Variants in ARID4B observed in about 807,000 individuals in gnomAD.
The protein encoded by ARID4B is AT-rich interaction domain 4B, also known as AT-rich interactive domain-containing protein 4B.
Under a neutral mutation model 147.5 loss-of-function variants are expected in ARID4B, and 26 were observed. That is an observed-to-expected ratio of 0.18 (90% CI 0.13 to 0.24). ARID4B has a LOEUF of 0.24. ARID4B is among the 10% of genes least tolerant of loss of function. ARID4B has a pLI of 1.00. For synonymous variants in ARID4B, 512 were observed against 507.9 expected, an observed-to-expected ratio of 1.01 and a Z score of -0.11; for missense variants, 1,179 against 1,511.5, an observed-to-expected ratio of 0.78 and a Z score of 3.65.
intron 2 of ARID4B, among the ~76,000 whole-genome samples, chr1:235,315,991 G>A (rs1163653069): frequency 6.6e-6 from 1 of 151,560 alleles, no homozygotes; most frequent in Non-Finnish European, 1.5e-5. Flanking sequence ...ACCAGCCAAC[G>A]CAACATACCA....
chr1:235,223,271 A>G lies in ARID4B; in HGVS notation c.971-11T>C. ...TGTTAATAGGTGTACCTGTTACAGA[A>G]AACACAAACTATATTAGATCCACAC... On this transcript the variant is annotated splice_polypyrimidine_tract_variant and intron_variant, in intron 12 of 23. Transcript: ENST00000264183. The G allele has an allele frequency of 6.9e-7, 1 of 1,451,076 alleles. No homozygotes were observed. Among genetic ancestry groups the G allele is most frequent in the African/African-American group, 1.5e-5 (1 of 68,098 alleles). The allele number at this position is 1,451,076 out of a possible 1,614,324, so 89.9% of individuals were successfully genotyped here. A position where few individuals can be genotyped will look rare whatever the true frequency, so the allele number is the denominator to read the frequency against.
chr1:235,185,666 T>A (rs1664623506), intron 19 of ARID4B, among the ~76,000 whole-genome samples: 1 of 152,228 alleles, frequency 6.6e-6, no homozygotes, highest in Non-Finnish European at 1.5e-5. Flanking sequence ...TCCTTACTTA[T>A]CTGAATACAT....
chr1:235,206,622 T>C (rs1188543038), intron 17 of ARID4B, among the ~76,000 whole-genome samples: 2 of 152,186 alleles, frequency 1.3e-5, no homozygotes, highest in East Asian at 1.9e-4. Flanking sequence ...AAAATGGTTG[T>C]AGCTGGAGCA....
intron 19 of ARID4B, among the ~76,000 whole-genome samples, chr1:235,193,616 T>C (rs897385921): frequency 1.3e-5 from 2 of 152,230 alleles, no homozygotes; most frequent in Non-Finnish European, 2.9e-5. Context: ...CCCTTGGATC[T>C]ACTAGTAATA....
chr1:235,316,418 A>C (rs1674435505), intron 2 of ARID4B, among the ~76,000 whole-genome samples: 1 of 152,126 alleles, frequency 6.6e-6, no homozygotes, highest in Non-Finnish European at 1.5e-5. Context: ...CTGAGGCAGG[A>C]GAATCACTTG....
In ARID4B at chr1:235,280,192, T is replaced by C. The variant is rs561978625; in HGVS notation, c.7-19440A>G. On this transcript the variant is annotated intron_variant, in intron 2 of 23. Coordinates refer to ENST00000264183, the MANE Select transcript of ARID4B (RefSeq NM_016374.6). ...AGTAACTTCAAGTCTAAAACATTTG[T>C]ATTACTCTTACTCCACCCATTAATA... 1.8e-4 allele frequency among the ~76,000 whole-genome samples: 27 copies of C among 152,282 alleles called. 1 individual carries two copies. The highest frequency in any genetic ancestry group is 1.6e-3 in the Admixed American group (24 of 15,288).
At chr1:235,320,108 C>T (rs1289151039) in intron 2 of ARID4B, among the ~76,000 whole-genome samples, 11 of 149,136 alleles carry the variant, frequency 7.4e-5, no homozygotes, top group Admixed American at 6.7e-4. Flanking sequence ...ACCTGGGTAA[C>T]GAGCGAAACT....
chr1:235,224,178 C>T (rs1165653989), intron 12 of ARID4B, among the ~76,000 whole-genome samples: 3 of 152,138 alleles, frequency 2.0e-5, no homozygotes, highest in Non-Finnish European at 2.9e-5. Flanking sequence ...AAAGCCTCTC[C>T]TTACTCCCTT....
At chr1:235,237,744 A>T (rs1045470130) in intron 8 of ARID4B, among the ~76,000 whole-genome samples, 1 of 152,240 alleles carries the variant, frequency 6.6e-6, no homozygotes, top group Non-Finnish European at 1.5e-5. Flanking sequence ...TAAACAAAGG[A>T]CAGTGTTTTA....
intron 5 of ARID4B, among the ~76,000 whole-genome samples, chr1:235,255,254 G>T (rs1324260579): frequency 4.3e-5 from 4 of 93,836 alleles, no homozygotes; most frequent in Admixed American, 1.3e-4. Flanking sequence ...TAGATAGATA[G>T]ATAGATAGAT....
Position 235,182,326 on chromosome 1 carries a change from C to T in ARID4B, c.2593G>A (p.Asp865Asn). The T allele has an allele frequency of 6.2e-7, 1 of 1,613,968 alleles. No homozygotes were observed. Among genetic ancestry groups the T allele is most frequent in the Non-Finnish European group, 8.5e-7 (1 of 1,179,996 alleles). ...ATCTTTGCTTTTGTTTCTTCTTCATCTTCATCTGAAGAGCTGTTGCTACTG... is the reference window on the plus strand; with the variant it reads ...ATCTTTGCTTTTGTTTCTTCTTCATTTTCATCTGAAGAGCTGTTGCTACTG... The part of the protein sequence containing the change: ...ENSSNSSSDE[D>N]EEETKAKMTP... The change falls in exon 20 of 24, where the codon GAT (aspartate) becomes AAT (asparagine). Residue 865 changes from aspartate to asparagine, a missense_variant. Asp to Asn is a conservative substitution (Grantham distance 23). Transcript: ENST00000264183.
chr1:235,293,960 T>C (rs1407522110), intron 2 of ARID4B, among the ~76,000 whole-genome samples: 1 of 152,172 alleles, frequency 6.6e-6, no homozygotes, highest in South Asian at 2.1e-4. Flanking sequence ...CATCTTAAAA[T>C]AGTTATTAAG....
At chr1:235,212,329 A>G (rs1307766321) in intron 17 of ARID4B, among the ~76,000 whole-genome samples, 4 of 152,212 alleles carry the variant, frequency 2.6e-5, no homozygotes, top group South Asian at 4.1e-4. Context: ...TTAAAGTGGT[A>G]TCTGGAAAAA....
intron 20 of ARID4B, among the ~76,000 whole-genome samples, chr1:235,178,280 TAA>T: frequency 6.6e-6 from 1 of 152,184 alleles, no homozygotes; most frequent in Non-Finnish European, 1.5e-5. Flanking sequence ...ACCAAAATAT[TAA>T]GACTTAATCA....
intron 2 of ARID4B, among the ~76,000 whole-genome samples, chr1:235,280,728 G>A (rs1671611498): frequency 6.6e-6 from 1 of 152,222 alleles, no homozygotes; most frequent in African/African-American, 2.4e-5. Context: ...CTTGGTTATG[G>A]CAAGGAAAAC....
rs367998493 is a variant in ARID4B at position 235,319,346 on chromosome 1, C to A, written c.6+7568G>T. On this transcript the variant is annotated intron_variant, in intron 2 of 23. Coordinates refer to ENST00000264183, the MANE Select transcript of ARID4B (RefSeq NM_016374.6). ...AGCCTGGGCAACACAGTGAGACCTC[C>A]ACAGAAAATTTAAAAGTTAGCTGGG... Among the ~76,000 whole-genome samples, 58 of 151,988 alleles carry A rather than the reference C, an allele frequency of 3.8e-4. 1 individual carries two copies. The East Asian group carries it at 0.01, about 27-fold the overall frequency.
In ARID4B at chr1:235,308,660, G is replaced by A. The variant is rs981584071; in HGVS notation, c.6+18254C>T. ...TGACTGGTTTTTGTATTTTTTTGGT[G>A]GAGACGGGGCTTCGCTGTGTTGGCC... is the stretch of plus-strand genomic sequence containing the variant. On this transcript the variant is annotated intron_variant, in intron 2 of 23. Transcript: ENST00000264183. 2.0e-5 allele frequency among the ~76,000 whole-genome samples: 3 copies of A among 151,816 alleles called. No individual in the cohort carries two copies. The South Asian group carries it at 6.2e-4, about 32-fold the overall frequency.
At chr1:235,238,175 A>G (rs1443642099) in intron 8 of ARID4B, among the ~76,000 whole-genome samples, 1 of 151,640 alleles carries the variant, frequency 6.6e-6, no homozygotes, top group African/African-American at 2.4e-5. Flanking sequence ...AAAGAAAAGA[A>G]AAAAGGAAAG....
chr1:235,304,794 A>C (rs1673429331), intron 2 of ARID4B, among the ~76,000 whole-genome samples: 1 of 152,226 alleles, frequency 6.6e-6, no homozygotes, highest in African/African-American at 2.4e-5. Context: ...AGCATCTGCT[A>C]ATTAAGTGTA....
Sources: gnomAD v4.1 joint callset for allele counts (sites outside exome capture counted in the v4.1 genomes callset) on GRCh38, gnomAD v4.1.1 for gene constraint, MANE v1.5 for transcripts, NCBI Gene and HGNC (gene_info 2026-07-23, HGNC 2026-07-21) for gene names.